Variants in MAGI2 observed in about 807,000 individuals in gnomAD.
The protein encoded by MAGI2 is membrane associated guanylate kinase, WW and PDZ domain containing 2.
Under a neutral mutation model 133.3 loss-of-function variants are expected in MAGI2, and 35 were observed. The ratio of observed to expected loss-of-function variants is 0.26; its 90% CI spans 0.20 to 0.35. MAGI2 has a LOEUF of 0.35. Ranked by LOEUF, MAGI2 falls within the 10% of genes least tolerant of loss-of-function variation. MAGI2 has a pLI of 1.00. For missense variants in MAGI2, 1,636 were observed against 1,863.4 expected (o/e 0.88, Z 2.25); for synonymous variants, 729 against 710.6 (o/e 1.03, Z -0.41).
At chr7:78,874,437 AT>A (rs1161201019) in intron 2 of MAGI2, among the ~76,000 whole-genome samples, 1 of 152,190 alleles carries the variant, frequency 6.6e-6, no homozygotes, top group Non-Finnish European at 1.5e-5. Flanking sequence ...GCGGAATGAA[AT>A]GTCCTGTGAA....
intron 2 of MAGI2, among the ~76,000 whole-genome samples, chr7:78,930,075 T>C (rs1360168801): frequency 6.6e-6 from 1 of 152,042 alleles, no homozygotes; most frequent in Non-Finnish European, 1.5e-5. Flanking sequence ...TGAAAGCAAA[T>C]CTTACTAATA....
intron 2 of MAGI2, among the ~76,000 whole-genome samples, chr7:78,978,144 A>G (rs1479916892): frequency 6.6e-6 from 1 of 151,816 alleles, no homozygotes; most frequent in Non-Finnish European, 1.5e-5. Context: ...GTCTTACTAT[A>G]TAATTTGGCA....
chr7:78,705,851 C>A (rs762912784), intron 2 of MAGI2, among the ~76,000 whole-genome samples: 5 of 152,010 alleles, frequency 3.3e-5, no homozygotes, highest in East Asian at 1.9e-4. Context: ...TATAAAGATG[C>A]CTTAAACTGT....
chr7:78,375,611 T>C (rs1794371585), intron 6 of MAGI2, among the ~76,000 whole-genome samples: 2 of 152,126 alleles, frequency 1.3e-5, no homozygotes, highest in African/African-American at 4.8e-5. Context: ...GGTTCTTGTT[T>C]GATTGTTTTA....
At chr7:78,534,613 A>G (rs923820477) in intron 3 of MAGI2, among the ~76,000 whole-genome samples, 1 of 152,212 alleles carries the variant, frequency 6.6e-6, no homozygotes, top group Non-Finnish European at 1.5e-5. Flanking sequence ...GACCTCTAAC[A>G]TTCACAAATC....
chr7:79,397,145 C>A (rs1437288683), intron 1 of MAGI2, among the ~76,000 whole-genome samples: 1 of 149,468 alleles, frequency 6.7e-6, no homozygotes, highest in Non-Finnish European at 1.5e-5. Flanking sequence ...CACCGATTCA[C>A]TTTTTAGGAG....
chr7:79,420,714 G>C (rs1358799654), intron 1 of MAGI2, among the ~76,000 whole-genome samples: 2 of 151,736 alleles, frequency 1.3e-5, no homozygotes, highest in Non-Finnish European at 2.9e-5. Context: ...ACATCATCAT[G>C]GTGAAATTCA....
At chr7:78,475,548 A>G (rs140526943) in intron 6 of MAGI2, among the ~76,000 whole-genome samples, 53 of 152,132 alleles carry the variant, frequency 3.5e-4, no homozygotes, top group Middle Eastern at 3.4e-3. Context: ...AGGTAATATA[A>G]CAAATACAGA....
intron 13 of MAGI2, among the ~76,000 whole-genome samples, chr7:78,181,783 T>C (rs1248950365): frequency 2.6e-5 from 4 of 152,212 alleles, no homozygotes; most frequent in African/African-American, 9.6e-5. Context: ...CACATCCAGG[T>C]ATCAGGACAA....
intron 1 of MAGI2, among the ~76,000 whole-genome samples, chr7:79,451,809 C>G (rs1033134797): frequency 6.6e-6 from 1 of 152,154 alleles, no homozygotes; most frequent in East Asian, 1.9e-4. Flanking sequence ...ACAACAAACC[C>G]TTATGCTAAT....
chr7:78,581,798 A>G (rs1321489937), intron 3 of MAGI2, among the ~76,000 whole-genome samples: 1 of 152,148 alleles, frequency 6.6e-6, no homozygotes, highest in African/African-American at 2.4e-5. Context: ...TTTTCTGTTA[A>G]ATGAAGAAGA....
chr7:78,245,936 A>G (rs764453344), intron 10 of MAGI2, among the ~76,000 whole-genome samples: 6 of 152,130 alleles, frequency 3.9e-5, no homozygotes, highest in Non-Finnish European at 8.8e-5. Flanking sequence ...GTGAGTGGCC[A>G]TGGCACCCTC....
At chr7:78,663,245 C>T (rs955294350) in intron 2 of MAGI2, among the ~76,000 whole-genome samples, 13 of 146,998 alleles carry the variant, frequency 8.8e-5, no homozygotes, top group African/African-American at 2.0e-4. Flanking sequence ...CTCACTCTCT[C>T]GCCCAAGCTG....
intron 1 of MAGI2, among the ~76,000 whole-genome samples, chr7:79,375,403 G>A (rs182726343): frequency 5.7e-4 from 86 of 151,770 alleles, no homozygotes; most frequent in African/African-American, 2.0e-3. Flanking sequence ...AGCTCTCTTC[G>A]AAAAAACACT....
intron 9 of MAGI2, among the ~76,000 whole-genome samples, chr7:78,260,140 T>A (rs1793378342): frequency 6.6e-6 from 1 of 152,188 alleles, no homozygotes; most frequent in Admixed American, 6.6e-5. Context: ...AATATATAGA[T>A]GTCTAGATAA....
At chr7:78,045,175 A>G (rs1386226970) in intron 21 of MAGI2, among the ~76,000 whole-genome samples, 1 of 152,212 alleles carries the variant, frequency 6.6e-6, no homozygotes, top group Non-Finnish European at 1.5e-5. Flanking sequence ...CAAAAAATAA[A>G]TAAATAAATA....
intron 2 of MAGI2, among the ~76,000 whole-genome samples, chr7:78,787,316 G>A (rs531284303): frequency 6.2e-4 from 94 of 152,308 alleles, no homozygotes; most frequent in Middle Eastern, 6.8e-3. Flanking sequence ...TAGGACTGTG[G>A]ATGGGGATGA....
chr7:78,938,136 T>A (rs936466807), intron 2 of MAGI2, among the ~76,000 whole-genome samples: 2 of 152,048 alleles, frequency 1.3e-5, no homozygotes, highest in East Asian at 3.9e-4. Context: ...AATTACCATT[T>A]AATCAGAGAA....
chr7:79,087,636 G>A (rs547685306), intron 1 of MAGI2, among the ~76,000 whole-genome samples: 31 of 151,954 alleles, frequency 2.0e-4, no homozygotes, highest in Non-Finnish European at 3.4e-4. Context: ...TAGGTCCTAC[G>A]TTTAAGTATT....
Sources: gnomAD v4.1 joint callset for allele counts (sites outside exome capture counted in the v4.1 genomes callset) on GRCh38, gnomAD v4.1.1 for gene constraint, MANE v1.5 for transcripts, NCBI Gene and HGNC (gene_info 2026-07-23, HGNC 2026-07-21) for gene names.